RORA: variants seen among roughly 807,000 people sequenced by gnomAD.
The protein encoded by RORA is RAR related orphan receptor A.
In RORA, 7 loss-of-function variants were observed where a neutral mutation model predicts 69.5. The observed-to-expected ratio is 0.10, with a 90% CI of 0.06 to 0.19. The LOEUF (loss-of-function observed/expected upper bound fraction) is 0.19. Ranked by LOEUF, RORA falls within the 10% of genes least tolerant of loss-of-function variation. RORA has a pLI of 1.00. For synonymous variants in RORA, 261 were observed against 240.8 expected (o/e 1.08, Z -0.78); for missense variants, 457 against 663.0 (o/e 0.69, Z 3.41).
chr15:60,670,345 G>A (rs1412303736), intron 2 of RORA, among the ~76,000 whole-genome samples: 2 of 151,948 alleles, frequency 1.3e-5, no homozygotes, highest in Admixed American at 6.6e-5. Context: ...TAGTAGCTGG[G>A]ATTACAGGTG....
At chr15:61,006,558 G>A (rs527534367) in intron 1 of RORA, among the ~76,000 whole-genome samples, 1 of 152,256 alleles carries the variant, frequency 6.6e-6, no homozygotes, top group Admixed American at 6.5e-5. Context: ...ACAAATAAAA[G>A]TGATAATGCA....
rs560955740 is a variant in RORA at position 60,646,536 on chromosome 15, G to A, written c.196+32121C>T. ...AAAACCCGGGTATGTGAACAATAAA[G>A]AGAAACTTAAAAGTGAATGCACTGC... On this transcript the variant is annotated intron_variant, in intron 2 of 10. Transcript: ENST00000335670. 4.1e-4 allele frequency among the ~76,000 whole-genome samples: 62 copies of A among 152,258 alleles called. 4 individuals carry two copies. Among genetic ancestry groups the A allele is most frequent in the African/African-American group, 1.5e-3 (61 of 41,524 alleles).
At chr15:60,945,664 G>C (rs139208877) in intron 1 of RORA, among the ~76,000 whole-genome samples, 100 of 152,332 alleles carry the variant, frequency 6.6e-4, no homozygotes, top group African/African-American at 2.3e-3. Context: ...AGACAAAACT[G>C]TACTTTGGAA....
In RORA at chr15:61,128,475, C is replaced by A. The variant is rs1166520560; in HGVS notation, c.166+100578G>T. Among the ~76,000 whole-genome samples the A allele has an allele frequency of 6.6e-6, 1 of 152,160 alleles. No homozygotes were observed. Among genetic ancestry groups the A allele is most frequent in the African/African-American group, 2.4e-5 (1 of 41,442 alleles). ...GGGCCAGTCACTGGAATTCCCTGGG[C>A]ATCCACACAAATGAATATAATTACA... is the stretch of plus-strand genomic sequence containing the variant. On this transcript the variant is annotated intron_variant, in intron 1 of 10. Coordinates refer to ENST00000335670, the MANE Select transcript of RORA (RefSeq NM_134261.3). The surrounding 1 kb of genome is among the most constrained non-coding windows in gnomAD (Gnocchi z 4.5).
chr15:60,715,858 C>A (rs2071212228), intron 1 of RORA, among the ~76,000 whole-genome samples: 1 of 152,132 alleles, frequency 6.6e-6, no homozygotes, highest in Non-Finnish European at 1.5e-5. Flanking sequence ...AGTCATCAGT[C>A]TTAAAATTCA....
chr15:61,157,037 C>T (rs2079449912), intron 1 of RORA, among the ~76,000 whole-genome samples: 1 of 152,188 alleles, frequency 6.6e-6, no homozygotes, highest in Admixed American at 6.5e-5. Flanking sequence ...CTTTTCCAAG[C>T]TTCAGAAAAC....
intron 1 of RORA, among the ~76,000 whole-genome samples, chr15:61,111,405 A>AT (rs2079005137): frequency 6.6e-6 from 1 of 152,146 alleles, no homozygotes; most frequent in African/African-American, 2.4e-5. Flanking sequence ...GGGTAGGGAG[A>AT]TTTTCTTTTC....
intron 1 of RORA, among the ~76,000 whole-genome samples, chr15:61,117,031 C>A (rs2079057042): frequency 6.6e-6 from 1 of 152,106 alleles, no homozygotes; most frequent in African/African-American, 2.4e-5. Context: ...GCTTCAAAGA[C>A]AAACACACAC....
intron 1 of RORA, among the ~76,000 whole-genome samples, chr15:60,949,599 A>C (rs1893018912): frequency 6.6e-6 from 1 of 152,162 alleles, no homozygotes; most frequent in Non-Finnish European, 1.5e-5. Flanking sequence ...TGGACACTCC[A>C]CTGCAGGATA....
At chr15:60,920,975 G>A (rs1009627372) in intron 1 of RORA, among the ~76,000 whole-genome samples, 2 of 152,164 alleles carry the variant, frequency 1.3e-5, no homozygotes, top group African/African-American at 4.8e-5. Context: ...GATCAACCCA[G>A]GACCAGAATA....
chr15:60,719,715 A>T (rs1301569055), intron 1 of RORA, among the ~76,000 whole-genome samples: 1 of 152,186 alleles, frequency 6.6e-6, no homozygotes, highest in Admixed American at 6.5e-5. Flanking sequence ...TCAGACCCTT[A>T]AATTTTTAAA....
chr15:60,837,751 C>T (rs1192147448), intron 1 of RORA, among the ~76,000 whole-genome samples: 5 of 152,100 alleles, frequency 3.3e-5, no homozygotes, highest in African/African-American at 7.2e-5. Flanking sequence ...AAATCATAAA[C>T]GGCTCCACTA....
At chr15:60,833,894 G>A (rs2073080987) in intron 1 of RORA, among the ~76,000 whole-genome samples, 1 of 152,166 alleles carries the variant, frequency 6.6e-6, no homozygotes, top group Non-Finnish European at 1.5e-5. Flanking sequence ...ATAATGTGAC[G>A]GTGATTATAA....
chr15:61,099,457 T>C (rs376541318), intron 1 of RORA, among the ~76,000 whole-genome samples: 2 of 152,180 alleles, frequency 1.3e-5, no homozygotes, highest in East Asian at 1.9e-4. Context: ...ATTTATTTAA[T>C]TTTCTAGATA....
chr15:60,753,303 T>A (rs1160842268), intron 1 of RORA, among the ~76,000 whole-genome samples: 2 of 152,266 alleles, frequency 1.3e-5, no homozygotes, highest in East Asian at 3.8e-4. Flanking sequence ...TCATCTCTGT[T>A]ACAGGGTGGG....
intron 1 of RORA, among the ~76,000 whole-genome samples, chr15:61,094,050 C>T (rs1419652675): frequency 1.3e-5 from 2 of 152,202 alleles, no homozygotes; most frequent in South Asian, 2.1e-4. Context: ...AGTTGTAGGA[C>T]TTAGGCACAG....
rs1317290042 is a variant in RORA, at chr15:61,213,398, G to C, written c.166+15655C>G. 6.6e-6 allele frequency among the ~76,000 whole-genome samples: 1 copy of C among 152,112 alleles called. No homozygotes were observed. The highest frequency in any genetic ancestry group is 1.5e-5 in the Non-Finnish European group (1 of 68,032). On this transcript the variant is annotated intron_variant, in intron 1 of 10. Transcript: ENST00000335670. The surrounding 1 kb of genome is among the most constrained non-coding windows in gnomAD (Gnocchi z 4.1). ...TAAGTACCTTACCAAAAAGAAATCAGGTATTTTTCATTTGTTCAAAATTTT... is the reference window on the plus strand; with the variant it reads ...TAAGTACCTTACCAAAAAGAAATCACGTATTTTTCATTTGTTCAAAATTTT...
chr15:61,229,213 C>G lies in RORA; in HGVS notation c.6G>C (p.Glu2Asp). The change falls in exon 1 of 11, where the codon GAG becomes GAC. Residue 2 changes from glutamate (E) to aspartate (D), a missense_variant. By Grantham distance (45) the Glu-to-Asp change is conservative. Coordinates refer to ENST00000335670, the MANE Select transcript of RORA (RefSeq NM_134261.3). The stretch of plus-strand genomic sequence containing the variant: ...CGGGGTCGGGGGCTGCCGGAGCTGA[C>G]TCCATGTTTTTTCCCAATGTAGAGA... M[E>D]SAPAAPDPAA... The G allele has an allele frequency of 7.0e-7, 1 of 1,438,380 alleles. No individual in the cohort carries two copies. Among genetic ancestry groups the G allele is most frequent in the Non-Finnish European group, 9.2e-7 (1 of 1,087,530 alleles). The allele number at this position is 1,438,380 out of a possible 1,614,324, so 89.1% of individuals were successfully genotyped here. A position where few individuals can be genotyped will look rare whatever the true frequency, so the allele number is the denominator to read the frequency against.
chr15:60,775,694 G>A (rs989732776), intron 1 of RORA, among the ~76,000 whole-genome samples: 1 of 152,132 alleles, frequency 6.6e-6, no homozygotes, highest in Non-Finnish European at 1.5e-5. Flanking sequence ...ATATTCCCTG[G>A]GGGGAAACAA....
Sources: allele counts gnomAD v4.1 joint callset (sites outside exome capture counted in the v4.1 genomes callset), GRCh38; gene constraint gnomAD v4.1.1; non-coding constraint Gnocchi (gnomAD v3.1); transcripts MANE v1.5; gene names NCBI Gene and HGNC (gene_info 2026-07-23, HGNC 2026-07-21).